The following XCR1 variants were observed in gnomAD, a reference collection of about 807,000 sequenced individuals.
XCR1 encodes the protein X-C motif chemokine receptor 1, also known as chemokine XC receptor 1.
For synonymous variants in XCR1, 187 were observed against 188.5 expected, an observed-to-expected ratio of 0.99 and a Z score of 0.06; for missense variants, 356 against 424.2, an observed-to-expected ratio of 0.84 and a Z score of 1.41.
At chr3:46,058,800 A>G (rs1268797297) in intron 4 of XCR1, among the ~76,000 whole-genome samples, 1 of 152,152 alleles carries the variant, frequency 6.6e-6, no homozygotes, top group Non-Finnish European at 1.5e-5. Context: ...CCTGAGGTCA[A>G]GGGATCCACC....
chr3:46,059,703 G>A (rs1047857062), intron 4 of XCR1, among the ~76,000 whole-genome samples: 1 of 152,174 alleles, frequency 6.6e-6, no homozygotes, highest in South Asian at 2.1e-4. Flanking sequence ...GCTGAGGACT[G>A]AATACTCATG....
At position 46,019,557 on chromosome 3, in the gene XCR1, C is replaced by G. The variant is rs1178034369; in HGVS notation, c.*1389G>C. The G allele has an allele frequency of 6.6e-6, 1 of 152,160 alleles. No homozygotes were observed. The highest frequency in any genetic ancestry group is 6.5e-5 in the Admixed American group (1 of 15,282). 9.4% of individuals were successfully genotyped at this position (152,160 alleles called of 1,614,324 possible). On this transcript the variant is annotated 3_prime_UTR_variant, in exon 2 of 2. Transcript: ENST00000309285. The stretch of plus-strand genomic sequence containing the variant: ...GCTGGCCTGTCAGCTAGAACATGTT[C>G]CAGGCCCAGGTGACAGCATGACAAA...
At chr3:46,059,500 GC>G (rs1036006885) in intron 4 of XCR1, among the ~76,000 whole-genome samples, 45 of 152,202 alleles carry the variant, frequency 3.0e-4, no homozygotes, top group African/African-American at 1.1e-3. Flanking sequence ...ACAAATTGCA[GC>G]CTGTGAACAT....
chr3:46,076,365 G>A (rs1169228016), intron 2 of XCR1, among the ~76,000 whole-genome samples: 1 of 151,994 alleles, frequency 6.6e-6, no homozygotes, highest in Non-Finnish European at 1.5e-5. Context: ...CTGAAATCTG[G>A]GCCGTTCCTA....
rs778906589 is a variant in XCR1, at chr3:46,021,914, A to T, written c.34T>A (p.Phe12Ile). ...ESSGNPESTTFFYYDLQSQPC... is the reference protein window; with the variant it reads ...ESSGNPESTTIFYYDLQSQPC... ...TGGCTCTGAAGGTCATAGTAAAAAA[A>T]GGTGGTGCTCTCTGGGTTGCCTGAG... The change falls in exon 2 of 2, where the codon TTT (phenylalanine) becomes ATT (isoleucine). Residue 12 changes from phenylalanine to isoleucine, a missense_variant. Transcript: ENST00000309285. The surrounding 1 kb of genome is among the most constrained non-coding windows in gnomAD (Gnocchi z 4.7). The T allele has an allele frequency of 1.2e-6, 2 of 1,613,846 alleles. No individual in the cohort carries two copies. The highest frequency in any genetic ancestry group is 1.7e-4 in the Middle Eastern group (1 of 6,060).
intron 4 of XCR1, among the ~76,000 whole-genome samples, chr3:46,059,856 C>A (rs1380807300): frequency 6.6e-6 from 1 of 152,174 alleles, no homozygotes; most frequent in East Asian, 1.9e-4. Flanking sequence ...TCTATCTTTA[C>A]AATAAGAAAG....
rs1385243615 is a variant in XCR1 at position 46,021,293 on chromosome 3, G to A, written c.655C>T (p.Arg219Trp). ...LRTLFRSRSK[R>W]RHRTVKLIFA... ...ATGAGCTTGACCGTGCGGTGGCGCC[G>A]CTTGGAGCGTGAGCGGAACAGGGTC... is the stretch of plus-strand genomic sequence containing the variant. Residue 219 changes from arginine to tryptophan, a missense_variant, in exon 2 of 2, where the codon CGG becomes TGG. Transcript: ENST00000309285. The surrounding 1 kb of genome is among the most constrained non-coding windows in gnomAD (Gnocchi z 4.7). 3 of 1,614,100 alleles carry A rather than the reference G, an allele frequency of 1.9e-6. No individual in the cohort carries two copies. The highest frequency in any genetic ancestry group is 2.5e-6 in the Non-Finnish European group (3 of 1,180,022).
intron 1 of XCR1, chr3:46,023,404 G>C (rs1451498841): frequency 2.0e-6 from 3 of 1,467,920 alleles, no homozygotes; most frequent in Admixed American, 3.4e-5. Context: ...TCACAAAAAG[G>C]CTGCGGCATA....
At chr3:46,049,566 A>G (rs7642701) in intron 5 of XCR1, among the ~76,000 whole-genome samples, 59,121 of 152,092 alleles carry the variant, frequency 0.39, 12,351 homozygotes, top group African/African-American at 0.54. Context: ...CTACATTTAC[A>G]ACGTAAGCTG....
chr3:46,023,345 G>A (rs1708205651), intron 1 of XCR1: 5 of 1,335,272 alleles, frequency 3.7e-6, no homozygotes, highest in Non-Finnish European at 5.3e-6. Context: ...CAGAGCAGAC[G>A]AGCCGACCGT....
intron 1 of XCR1, among the ~76,000 whole-genome samples, chr3:46,025,311 G>A (rs1290895372): frequency 6.6e-6 from 1 of 152,190 alleles, no homozygotes; most frequent in Non-Finnish European, 1.5e-5. Context: ...GGCTGAGGCA[G>A]GAGAATCCCT....
intron 4 of XCR1, among the ~76,000 whole-genome samples, chr3:46,057,941 C>CATCT (rs1284528515): frequency 7.8e-6 from 1 of 128,906 alleles, no homozygotes; most frequent in Non-Finnish European, 1.6e-5. Flanking sequence ...TCTACGCATC[C>CATCT]ATCTATCTAT....
At position 46,021,958 on chromosome 3, in the gene XCR1, T is replaced by C. The variant is rs776410928; in HGVS notation, c.-11A>G. 9.4e-6 allele frequency: 15 copies of C among 1,600,848 alleles called. No individual in the cohort carries two copies. The highest frequency in any genetic ancestry group is 2.7e-5 in the African/African-American group (2 of 74,356). On this transcript the variant is annotated 5_prime_UTR_variant, in exon 2 of 2. Transcript: ENST00000309285. The surrounding 1 kb of genome is among the most constrained non-coding windows in gnomAD (Gnocchi z 4.7). The stretch of plus-strand genomic sequence containing the variant: ...GCCTGAGGACTCCATCTGGACCAGA[T>C]GGCAGGGACGTTTAGAGCATCTGAA...
chr3:46,054,141 G>C (rs926313832), intron 4 of XCR1, among the ~76,000 whole-genome samples: 2 of 152,118 alleles, frequency 1.3e-5, no homozygotes, highest in Non-Finnish European at 2.9e-5. Context: ...AAGGGGTCAG[G>C]GAGCACCTTG....
chr3:46,046,032 G>C (rs1575422570), intron 5 of XCR1, among the ~76,000 whole-genome samples: 1 of 152,334 alleles, frequency 6.6e-6, no homozygotes, highest in African/African-American at 2.4e-5. Flanking sequence ...ATACCATTCA[G>C]CTGTTAAAAA....
intron 4 of XCR1, among the ~76,000 whole-genome samples, chr3:46,065,309 G>A (rs904635): frequency 1 from 152,255 of 152,276 alleles, 76,117 homozygotes; most frequent in Middle Eastern, 1. Flanking sequence ...CACCCATCCC[G>A]CACTTTCAGG....
chr3:46,040,338 CA>C lies in XCR1; in HGVS notation c.-32+13581del, dbSNP rs545066096. 7.1e-4 allele frequency among the ~76,000 whole-genome samples: 108 copies of C among 152,208 alleles called. 1 individual carries two copies. In the South Asian group the frequency reaches 0.022, roughly 31 times the overall value. On this transcript the variant is annotated intron_variant, in intron 5 of 5. Coordinates refer to the XCR1 transcript ENST00000683768. ...AGCCTTTGATATTTGACAGACTTTA[CA>C]ATAGCAAAATTTCAAGTTCCAAATT...
Position 46,021,088 on chromosome 3 carries a change from T to C in XCR1, c.860A>G (p.Tyr287Cys), listed in dbSNP as rs770269176. ...FSHCCFNPVL[Y>C]VFVGVKFRTH... ...GCGGAACTTGACCCCCACGAAGACA[T>C]AGAGCACCGGGTTAAAGCAGCAGTG... The change falls in exon 2 of 2, where the codon TAT becomes TGT. Residue 287 changes from tyrosine (Y) to cysteine (C), a missense_variant. Transcript: ENST00000309285. This position sits in a 1 kb window ranked among gnomAD's most constrained non-coding sequence, Gnocchi z 4.7. 8 of 1,614,014 alleles carry C rather than the reference T, an allele frequency of 5.0e-6. No homozygotes were observed. Among genetic ancestry groups the C allele is most frequent in the African/African-American group, 1.3e-5 (1 of 74,900 alleles).
At chr3:46,041,107 A>G (rs1233504793) in intron 5 of XCR1, among the ~76,000 whole-genome samples, 1 of 152,198 alleles carries the variant, frequency 6.6e-6, no homozygotes, top group African/African-American at 2.4e-5. Flanking sequence ...AATTTGAGGC[A>G]TATTTCTCTC....
Sources: gnomAD v4.1 joint callset for allele counts (sites outside exome capture counted in the v4.1 genomes callset) on GRCh38, gnomAD v4.1.1 for gene constraint, Gnocchi (gnomAD v3.1) non-coding constraint, MANE v1.5 for transcripts, NCBI Gene and HGNC (gene_info 2026-07-23, HGNC 2026-07-21) for gene names.